Variants in PDE9A observed in about 807,000 individuals in gnomAD.
The protein encoded by PDE9A is phosphodiesterase 9A.
PDE9A carries 60 observed loss-of-function variants against 87.4 expected under a neutral mutation model. That is an observed-to-expected ratio of 0.69 (90% CI 0.56 to 0.85). The LOEUF (loss-of-function observed/expected upper bound fraction) is 0.85. PDE9A is among the 40% of genes least tolerant of loss of function. The pLI is 0.00. For missense variants in PDE9A, 665 were observed against 779.0 expected, an observed-to-expected ratio of 0.85 and a Z score of 1.74; for synonymous variants, 272 against 279.4, an observed-to-expected ratio of 0.97 and a Z score of 0.27.
At chr21:42,735,152 T>C (rs1211405480) in intron 7 of PDE9A, among the ~76,000 whole-genome samples, 2 of 152,316 alleles carry the variant, frequency 1.3e-5, no homozygotes, top group East Asian at 3.9e-4. Flanking sequence ...CCAAATCCCG[T>C]GCAGAGCTGA....
rs181123372 is a variant in PDE9A, at chr21:42,722,868, C to T, written c.263-8902C>T. On this transcript the variant is annotated intron_variant, in intron 4 of 19. Coordinates refer to ENST00000291539, the MANE Select transcript of PDE9A (RefSeq NM_002606.3). This position sits in a 1 kb window ranked among gnomAD's most constrained non-coding sequence, Gnocchi z 4.1. ...TGAAATCAAATTTCATGTCATTCTG[C>T]ACTGGGTAGACTCAGGATTTGCCTG... Among the ~76,000 whole-genome samples, 13 of 152,332 alleles carry T rather than the reference C, an allele frequency of 8.5e-5. No homozygotes were observed. The highest frequency in any genetic ancestry group is 1.9e-4 in the Non-Finnish European group (13 of 68,022).
At chr21:42,718,973 T>C (rs1216994290) in intron 4 of PDE9A, among the ~76,000 whole-genome samples, 1 of 151,842 alleles carries the variant, frequency 6.6e-6, no homozygotes, top group Non-Finnish European at 1.5e-5. Context: ...CCTGGTTTTA[T>C]GCTTTGTTGG....
At chr21:42,714,711 C>T (rs374492350) in intron 4 of PDE9A, among the ~76,000 whole-genome samples, 1 of 115,700 alleles carries the variant, frequency 8.6e-6, no homozygotes, top group African/African-American at 3.0e-5. Context: ...AGTCTTTGTT[C>T]ATATGGTTGG....
intron 4 of PDE9A, among the ~76,000 whole-genome samples, chr21:42,719,647 A>T (rs201022746): frequency 0.65 from 95,183 of 145,592 alleles, 32,327 homozygotes; most frequent in East Asian, 0.93. Flanking sequence ...CTCAAAAAAA[A>T]AAAAAAAAAA....
chr21:42,750,733 G>A (rs1384820107), intron 8 of PDE9A, among the ~76,000 whole-genome samples: 2 of 151,864 alleles, frequency 1.3e-5, no homozygotes, highest in Non-Finnish European at 2.9e-5. Flanking sequence ...ACGCCACCAC[G>A]CCCAGCTAAT....
intron 17 of PDE9A, among the ~76,000 whole-genome samples, chr21:42,769,651 C>CAGGCACACAT (rs1011899713): frequency 2.2e-5 from 1 of 45,422 alleles, no homozygotes; most frequent in Non-Finnish European, 4.0e-5. Context: ...CAGGGACACA[C>CAGGCACACAT]AGGCACACAT....
chr21:42,774,677 T>G (rs544063619), intron 19 of PDE9A, among the ~76,000 whole-genome samples: 43 of 151,412 alleles, frequency 2.8e-4, no homozygotes, highest in Admixed American at 5.3e-4. Flanking sequence ...AGGTCAGGAG[T>G]TCTAAACCAG....
chr21:42,721,350 G>A (rs761729546), intron 4 of PDE9A, among the ~76,000 whole-genome samples: 5 of 152,310 alleles, frequency 3.3e-5, no homozygotes, highest in Non-Finnish European at 5.9e-5. Context: ...AGAACTTCAC[G>A]TTTGGCCACC....
Position 42,759,148 on chromosome 21 carries a change from T to C in PDE9A, c.897+63T>C. The C allele has an allele frequency of 8.5e-7, 1 of 1,180,346 alleles. No individual in the cohort carries two copies. The highest frequency in any genetic ancestry group is 1.3e-6 in the Non-Finnish European group (1 of 790,402). 73.1% of individuals were successfully genotyped at this position (1,180,346 alleles called of 1,614,324 possible). A position where few individuals can be genotyped will look rare whatever the true frequency, so the allele number is the denominator to read the frequency against. On this transcript the variant is annotated intron_variant, in intron 11 of 19. Coordinates refer to ENST00000291539, the MANE Select transcript of PDE9A (RefSeq NM_002606.3). The surrounding 1 kb of genome is among the most constrained non-coding windows in gnomAD (Gnocchi z 7.2). ...GTGGTTTCATCCAGTTCCACAGGAA[T>C]GGAGGGAATGGATCACCAGGGCACC... is the stretch of plus-strand genomic sequence containing the variant.
At position 42,694,160 on chromosome 21, in the gene PDE9A, T is replaced by G. The variant is rs1438833547; in HGVS notation, c.219-4808T>G. On this transcript the variant is annotated intron_variant, in intron 3 of 19. Coordinates refer to ENST00000291539, the MANE Select transcript of PDE9A (RefSeq NM_002606.3). This position sits in a 1 kb window ranked among gnomAD's most constrained non-coding sequence, Gnocchi z 5.3. ...GTTTCTTCCTAGCAGACAGCAGCCC[T>G]CTCCCTCTAGCTCAGAAGCTACGTC... 6.6e-6 allele frequency among the ~76,000 whole-genome samples: 1 copy of G among 152,164 alleles called. No individual in the cohort carries two copies. Among genetic ancestry groups the G allele is most frequent in the East Asian group, 1.9e-4 (1 of 5,200 alleles).
chr21:42,662,622 CCA>C (rs1267577792), intron 1 of PDE9A, among the ~76,000 whole-genome samples: 1 of 138,196 alleles, frequency 7.2e-6, no homozygotes, highest in African/African-American at 3.0e-5. Flanking sequence ...ACCACACACA[CCA>C]CACACCACAC....
At chr21:42,773,074 C>G (rs951846397) in intron 19 of PDE9A, among the ~76,000 whole-genome samples, 9 of 149,922 alleles carry the variant, frequency 6.0e-5, no homozygotes, top group Non-Finnish European at 1.0e-4. Flanking sequence ...CCAGCTTGGC[C>G]AACATGGTGA....
At chr21:42,670,169 ACACG>A (rs2058333762) in intron 1 of PDE9A, among the ~76,000 whole-genome samples, 9 of 148,768 alleles carry the variant, frequency 6.0e-5, no homozygotes, top group African/African-American at 1.3e-4. Context: ...ACACACATTC[ACACG>A]CACACATACA....
In PDE9A at chr21:42,759,412, TGTGA is replaced by T. The variant is rs1273263213; in HGVS notation, c.897+329_897+332del. 1.3e-5 allele frequency among the ~76,000 whole-genome samples: 2 copies of T among 148,340 alleles called. No individual in the cohort carries two copies. The highest frequency in any genetic ancestry group is 3.0e-5 in the Non-Finnish European group (2 of 67,102). ...GTGTGTGTGTGGGAGCGTGTGTGTGTGTGAGAGTGAGTATGGGGGTGTGGATGTG... is the reference window on the plus strand; with the variant it reads ...GTGTGTGTGTGGGAGCGTGTGTGTGTGAGTGAGTATGGGGGTGTGGATGTG... On this transcript the variant is annotated intron_variant, in intron 11 of 19. Transcript: ENST00000291539. The surrounding 1 kb of genome is among the most constrained non-coding windows in gnomAD (Gnocchi z 7.2).
chr21:42,769,243 A>G, intron 17 of PDE9A, 88 bp downstream of exon 17: 1 of 1,221,896 alleles, frequency 8.2e-7, no homozygotes, highest in South Asian at 1.4e-5. Context: ...ACATATGCAC[A>G]CAGGTACACA....
intron 1 of PDE9A, among the ~76,000 whole-genome samples, chr21:42,670,715 ACT>A (rs1421310170): frequency 1.2e-4 from 18 of 151,520 alleles, no homozygotes; most frequent in African/African-American, 2.9e-4. Context: ...ATACACTTAC[ACT>A]CACAGTCACA....
At chr21:42,693,973 T>A (rs1183496970) in intron 3 of PDE9A, among the ~76,000 whole-genome samples, 2 of 150,060 alleles carry the variant, frequency 1.3e-5, no homozygotes, top group South Asian at 2.1e-4. Flanking sequence ...TTTTTTTTTT[T>A]AAAGCTCTGC....
intron 7 of PDE9A, among the ~76,000 whole-genome samples, chr21:42,738,811 GAGT>G (rs1020286634): frequency 1.3e-5 from 2 of 152,124 alleles, no homozygotes; most frequent in African/African-American, 4.8e-5. Context: ...TCAGCCCCCA[GAGT>G]AGCTGGAATT....
At chr21:42,746,116 A>G (rs2053821134) in intron 8 of PDE9A, among the ~76,000 whole-genome samples, 1 of 152,212 alleles carries the variant, frequency 6.6e-6, no homozygotes, top group Non-Finnish European at 1.5e-5. Context: ...CCGGCCTCAC[A>G]GGTCTTGCCT....
Sources: gnomAD v4.1 joint callset for allele counts (sites outside exome capture counted in the v4.1 genomes callset) on GRCh38, gnomAD v4.1.1 for gene constraint, Gnocchi (gnomAD v3.1) non-coding constraint, MANE v1.5 for transcripts, NCBI Gene and HGNC (gene_info 2026-07-23, HGNC 2026-07-21) for gene names.